SDCCAG8: variants seen among roughly 807,000 people sequenced by gnomAD.
SDCCAG8 encodes the protein SHH signaling and ciliogenesis regulator SDCCAG8, also known as serologically defined colon cancer antigen 8.
SDCCAG8 carries 74 observed loss-of-function variants against 101.8 expected under a neutral mutation model. The ratio of observed to expected loss-of-function variants is 0.73; its 90% CI spans 0.60 to 0.88. The LOEUF (loss-of-function observed/expected upper bound fraction) is 0.88, where lower values mean the gene tolerates loss of function less well. Among genes scored for constraint, SDCCAG8 ranks in the 40% least tolerant of loss-of-function variants. The pLI is 0.00. For synonymous variants in SDCCAG8, 281 were observed against 292.9 expected (o/e 0.96, Z 0.41); for missense variants, 787 against 822.6 (o/e 0.96, Z 0.53).
intron 13 of SDCCAG8, among the ~76,000 whole-genome samples, chr1:243,398,008 C>G (rs2147962943): frequency 6.6e-6 from 1 of 152,288 alleles, no homozygotes; most frequent in East Asian, 1.9e-4. Flanking sequence ...ACATTTCTGA[C>G]AAAGAGACGC....
intron 12 of SDCCAG8, among the ~76,000 whole-genome samples, chr1:243,349,011 A>G (rs1324567893): frequency 7.6e-6 from 1 of 131,324 alleles, no homozygotes; most frequent in African/African-American, 3.0e-5. Context: ...CAAACAAAAC[A>G]AAAAAAAAAA....
intron 12 of SDCCAG8, among the ~76,000 whole-genome samples, chr1:243,350,713 G>A (rs1279047760): frequency 6.6e-6 from 1 of 152,186 alleles, no homozygotes; most frequent in African/African-American, 2.4e-5. Flanking sequence ...TTTAACTACA[G>A]CAACTACAAA....
intron 9 of SDCCAG8, among the ~76,000 whole-genome samples, chr1:243,328,620 G>A (rs1167160840): frequency 1.3e-5 from 2 of 152,080 alleles, no homozygotes; most frequent in Non-Finnish European, 2.9e-5. Flanking sequence ...GTGTTTTGTT[G>A]CCCATTACTC....
intron 9 of SDCCAG8, among the ~76,000 whole-genome samples, chr1:243,317,713 T>C (rs1042980294): frequency 6.6e-6 from 1 of 152,206 alleles, no homozygotes; most frequent in Admixed American, 6.5e-5. Context: ...GACGGTGTTA[T>C]AGGCACTTTG....
chr1:243,309,956 C>T (rs2072558547), intron 8 of SDCCAG8, among the ~76,000 whole-genome samples: 4 of 152,030 alleles, frequency 2.6e-5, no homozygotes, highest in Admixed American at 1.3e-4. Flanking sequence ...CTCTGCTTCT[C>T]GGGTTCAAGT....
chr1:243,471,700 A>T (rs1012725125), intron 16 of SDCCAG8, among the ~76,000 whole-genome samples: 3 of 152,148 alleles, frequency 2.0e-5, no homozygotes, highest in East Asian at 3.9e-4. Flanking sequence ...TTAATGAGTT[A>T]ACTGGGAGTT....
chr1:243,470,883 A>G (rs774072526), intron 16 of SDCCAG8, among the ~76,000 whole-genome samples: 5 of 152,188 alleles, frequency 3.3e-5, no homozygotes, highest in Non-Finnish European at 5.9e-5. Flanking sequence ...ATCTTCTTCT[A>G]TAGCATCAAC....
chr1:243,275,230 C>G (rs979164943), intron 4 of SDCCAG8, among the ~76,000 whole-genome samples: 1 of 152,052 alleles, frequency 6.6e-6, no homozygotes, highest in African/African-American at 2.4e-5. Flanking sequence ...GCTAATAGAG[C>G]CTTTTCATCT....
chr1:243,386,630 G>A (rs1055389951), intron 13 of SDCCAG8, among the ~76,000 whole-genome samples: 18 of 152,160 alleles, frequency 1.2e-4, no homozygotes, highest in Admixed American at 3.3e-4. Context: ...GCACACGTCC[G>A]TAGTCCCAGC....
intron 4 of SDCCAG8, among the ~76,000 whole-genome samples, chr1:243,282,746 C>T (rs940475855): frequency 6.6e-6 from 1 of 152,110 alleles, no homozygotes; most frequent in Non-Finnish European, 1.5e-5. Context: ...TTATTCTCTT[C>T]CTGTTTGCAC....
At chr1:243,445,640 C>T (rs927936965) in intron 16 of SDCCAG8, among the ~76,000 whole-genome samples, 4 of 152,022 alleles carry the variant, frequency 2.6e-5, no homozygotes, top group Admixed American at 2.0e-4. Context: ...TGTCATTTGC[C>T]CTGGATAAAC....
rs946125407 is a variant in SDCCAG8 at position 243,493,711 on chromosome 1, C to T, written c.2112+4571C>T. ...GCATTCTTGGCAGTGAATTTACTTT[C>T]TAATTTGATTTAAACTTGTGCATGG... On this transcript the variant is annotated intron_variant, in intron 17 of 17. Transcript: ENST00000366541. Among the ~76,000 whole-genome samples, 3 of 151,920 alleles carry T rather than the reference C, an allele frequency of 2.0e-5. No homozygotes were observed. The South Asian group carries it at 6.2e-4, about 32-fold the overall frequency.
intron 13 of SDCCAG8, among the ~76,000 whole-genome samples, chr1:243,380,025 C>T (rs183744402): frequency 6.6e-6 from 1 of 152,176 alleles, no homozygotes; most frequent in East Asian, 1.9e-4. Context: ...TTGTATAAAA[C>T]ATTTTGTTAT....
intron 1 of SDCCAG8, among the ~76,000 whole-genome samples, chr1:243,263,704 C>T (rs563338131): frequency 2.0e-4 from 27 of 134,048 alleles, no homozygotes; most frequent in Non-Finnish European, 3.6e-4. Context: ...TTACTCCTGG[C>T]GCCAACCACT....
At position 243,357,587 on chromosome 1, in the gene SDCCAG8, TA is replaced by T. The variant is rs2076462341; in HGVS notation, c.1473+13257del. 2.6e-5 allele frequency among the ~76,000 whole-genome samples: 4 copies of T among 152,310 alleles called. No individual in the cohort carries two copies. The South Asian group carries it at 8.3e-4, about 32-fold the overall frequency. On this transcript the variant is annotated intron_variant, in intron 12 of 17. Coordinates refer to ENST00000366541, the MANE Select transcript of SDCCAG8 (RefSeq NM_006642.5). Reference sequence around the variant, plus strand: ...GTGAGTCAGCTGGGAGTAATTACCTTATTTCCATGCAGCCATTTATTTAACT... The same window carrying T: ...GTGAGTCAGCTGGGAGTAATTACCTTTTTCCATGCAGCCATTTATTTAACT...
intron 9 of SDCCAG8, among the ~76,000 whole-genome samples, chr1:243,329,341 C>T (rs2490400): frequency 0.71 from 107,704 of 151,982 alleles, 38,953 homozygotes; most frequent in East Asian, 0.93. Context: ...CCAAAAGAAA[C>T]TGGAGTTTAA....
chr1:243,326,993 A>G (rs2074192790), intron 9 of SDCCAG8, among the ~76,000 whole-genome samples: 1 of 152,230 alleles, frequency 6.6e-6, no homozygotes, highest in Non-Finnish European at 1.5e-5. Flanking sequence ...ATGTCAACAC[A>G]GAATGACCAC....
At chr1:243,415,618 A>G in intron 13 of SDCCAG8, 84 bp from the exon 14 acceptor site, 2 of 1,576,870 alleles carry the variant, frequency 1.3e-6, no homozygotes, top group East Asian at 2.2e-5. Context: ...ACTACGTATC[A>G]GCTCTCTCTG....
chr1:243,396,368 A>AT (rs1363102438), intron 13 of SDCCAG8, among the ~76,000 whole-genome samples: 1 of 152,218 alleles, frequency 6.6e-6, no homozygotes, highest in Non-Finnish European at 1.5e-5. Flanking sequence ...TTTGAACATT[A>AT]GTGAAACAGA....
Sources: gnomAD v4.1 joint callset for allele counts (sites outside exome capture counted in the v4.1 genomes callset) on GRCh38, gnomAD v4.1.1 for gene constraint, MANE v1.5 for transcripts, NCBI Gene and HGNC (gene_info 2026-07-23, HGNC 2026-07-21) for gene names.